Variants in HADHB observed in about 807,000 individuals in gnomAD.
The protein encoded by HADHB is trifunctional enzyme subunit beta, mitochondrial.
A neutral mutation model predicts 61.9 loss-of-function variants in HADHB; 50 were observed. The observed-to-expected ratio is 0.81, with a 90% CI of 0.64 to 1.02. HADHB has a LOEUF of 1.02. HADHB is among the 50% of genes least tolerant of loss of function. HADHB has a pLI of 0.00. For missense variants in HADHB, 504 were observed against 586.5 expected, an observed-to-expected ratio of 0.86 and a Z score of 1.45; for synonymous variants, 191 against 201.6, an observed-to-expected ratio of 0.95 and a Z score of 0.45.
At chr2:26,257,067 T>C (rs1271236027) in intron 3 of HADHB, among the ~76,000 whole-genome samples, 3 of 152,184 alleles carry the variant, frequency 2.0e-5, no homozygotes, top group African/African-American at 7.2e-5. Flanking sequence ...ATGTACCTGA[T>C]TGCCTTGTTG....
chr2:26,275,911 G>A (rs1301164748), intron 6 of HADHB, among the ~76,000 whole-genome samples: 3 of 152,188 alleles, frequency 2.0e-5, no homozygotes, highest in African/African-American at 7.2e-5. Context: ...ATAGGAGAGT[G>A]TGTTCTGAGG....
intron 4 of HADHB, among the ~76,000 whole-genome samples, chr2:26,264,529 G>T (rs1671988771): frequency 6.8e-6 from 1 of 147,100 alleles, no homozygotes; most frequent in African/African-American, 2.5e-5. Flanking sequence ...ACTCCAGCCT[G>T]GGTGACAGAG....
At chr2:26,281,624 G>T (rs1417807629) in intron 10 of HADHB, among the ~76,000 whole-genome samples, 1 of 152,182 alleles carries the variant, frequency 6.6e-6, no homozygotes, top group Non-Finnish European at 1.5e-5. Flanking sequence ...ATCATCAGAG[G>T]TGACACATCA....
In HADHB at chr2:26,249,380, G is replaced by T. The variant is rs894872028; in HGVS notation, c.-9+4390G>T. 1.7e-4 allele frequency among the ~76,000 whole-genome samples: 26 copies of T among 151,166 alleles called. 1 individual carries two copies. The highest frequency in any genetic ancestry group is 1.4e-3 in the Admixed American group (22 of 15,204). ...AAAAAAATTAGCCTGGTATGGTGGT[G>T]TGCGCCTGTAGTCCCAGTTACTCGG... On this transcript the variant is annotated intron_variant, in intron 1 of 15. Coordinates refer to ENST00000317799, the MANE Select transcript of HADHB (RefSeq NM_000183.3).
intron 3 of HADHB, among the ~76,000 whole-genome samples, 157 bp from the exon 4 acceptor site, chr2:26,263,223 C>T (rs1298877246): frequency 3.3e-5 from 5 of 151,232 alleles, no homozygotes; most frequent in Non-Finnish European, 7.4e-5. Context: ...TGCTTGAATC[C>T]GGGAGGCAGA....
intron 4 of HADHB, among the ~76,000 whole-genome samples, chr2:26,267,980 T>C (rs1672167769): frequency 6.6e-6 from 1 of 151,594 alleles, no homozygotes; most frequent in Non-Finnish European, 1.5e-5. Flanking sequence ...CTGCAAAAAC[T>C]AAAAATGAAA....
rs1464241444 is a variant in HADHB at position 26,273,824 on chromosome 2, C to G, written c.354+74C>G. On this transcript the variant is annotated intron_variant, in intron 6 of 15. Transcript: ENST00000317799. ...TTTGAATTTCAATTAATAGAAGTTACTTTACAAAAGCCTTTAAAATCTATT... is the reference window on the plus strand; with the variant it reads ...TTTGAATTTCAATTAATAGAAGTTAGTTTACAAAAGCCTTTAAAATCTATT... 17 of 822,406 alleles carry G rather than the reference C, an allele frequency of 2.1e-5. No homozygotes were observed. The South Asian group carries it at 2.4e-4, about 12-fold the overall frequency. 50.9% of individuals were successfully genotyped at this position (822,406 alleles called of 1,614,324 possible). A position where few individuals can be genotyped will look rare whatever the true frequency, so the allele number is the denominator to read the frequency against.
intron 1 of HADHB, among the ~76,000 whole-genome samples, chr2:26,245,621 A>G (rs1671118053): frequency 6.6e-6 from 1 of 152,058 alleles, no homozygotes. Context: ...AGAGAGAGTG[A>G]TTTTACCCAT....
chr2:26,279,317 T>G lies in HADHB; in HGVS notation c.811+2T>G, dbSNP rs1672691264. ...ATGTGGTACCCTTCAAAGTACCAGG[T>G]GAAATGAAATGCTTCATGACACTTA... On this transcript the variant is annotated splice_donor_variant, in intron 9 of 15. Coordinates refer to ENST00000317799, the MANE Select transcript of HADHB (RefSeq NM_000183.3). LOFTEE classifies it high-confidence loss of function. 2 of 1,593,634 alleles carry G rather than the reference T, an allele frequency of 1.3e-6. No individual in the cohort carries two copies. The highest frequency in any genetic ancestry group is 1.1e-5 in the South Asian group (1 of 90,640).
In HADHB at chr2:26,274,406, T is replaced by G. The variant is rs140165376; in HGVS notation, c.354+656T>G. On this transcript the variant is annotated intron_variant, in intron 6 of 15. Transcript: ENST00000317799. ...AGTTGGCACCAAAAGCACATTTCATTGTACTCAGTATTTTCCCTAGTTCTG... is the reference window on the plus strand; with the variant it reads ...AGTTGGCACCAAAAGCACATTTCATGGTACTCAGTATTTTCCCTAGTTCTG... Among the ~76,000 whole-genome samples the G allele has an allele frequency of 8.6e-3, 1,307 of 152,346 alleles. 11 individuals carry two copies. Among genetic ancestry groups the G allele is most frequent in the Non-Finnish European group, 0.014 (978 of 68,036 alleles).
chr2:26,263,523 C>G, intron 4 of HADHB, 44 bp downstream of exon 4: 1 of 1,214,240 alleles, frequency 8.2e-7, no homozygotes, highest in South Asian at 1.2e-5. Flanking sequence ...TCTTTTAAGA[C>G]ACTTTCAAAA....
chr2:26,280,278 C>G (rs59892305), intron 10 of HADHB, among the ~76,000 whole-genome samples, 163 bp downstream of exon 10: 1 of 151,964 alleles, frequency 6.6e-6, no homozygotes, highest in Admixed American at 6.6e-5. Flanking sequence ...AATAGAATCA[C>G]GGTTTTAAGG....
rs753492483 is a variant in HADHB at position 26,278,678 on chromosome 2, C to T, written c.507C>T (p.Ser169=). The T allele has an allele frequency of 4.7e-5, 76 of 1,613,886 alleles. No individual in the cohort carries two copies. Among genetic ancestry groups the T allele is most frequent in the Middle Eastern group, 1.6e-4 (1 of 6,084 alleles). ...VIVAGGVELM[S]DVPIRHSRKM... ...TGGCAGGTGGTGTTGAGTTGATGTCCGATGTCCCTATTCGTCACTCAAGGA... is the reference window on the plus strand; with the variant it reads ...TGGCAGGTGGTGTTGAGTTGATGTCTGATGTCCCTATTCGTCACTCAAGGA... The change falls in exon 8 of 16, where the codon TCC becomes TCT. Residue 169 remains serine (S), a synonymous_variant. Transcript: ENST00000317799.
In HADHB at chr2:26,284,144, A is replaced by G. The variant is rs140869593; in HGVS notation, c.1089A>G (p.Leu363=). Residue 363 remains leucine, a synonymous_variant, in exon 13 of 16, where the codon CTA becomes CTG. Coordinates refer to ENST00000317799, the MANE Select transcript of HADHB (RefSeq NM_000183.3). ...CAACATATGCTACTCCAAAAGTTCT[A>G]GAAAAGGCAGGATTGACCATGAATG... ...LGPTYATPKV[L]EKAGLTMNDI... The G allele has an allele frequency of 1.4e-5, 22 of 1,598,620 alleles. No individual in the cohort carries two copies. The highest frequency in any genetic ancestry group is 2.2e-5 in the South Asian group (2 of 90,798).
At chr2:26,264,175 G>T (rs566877698) in intron 4 of HADHB, among the ~76,000 whole-genome samples, 4 of 152,214 alleles carry the variant, frequency 2.6e-5, no homozygotes, top group African/African-American at 9.6e-5. Context: ...GGAATGTTAG[G>T]CATCTGTTAA....
At chr2:26,260,081 G>GGTTTTTTTTTTTTTTTTTTTTTT (rs965472525) in intron 3 of HADHB, among the ~76,000 whole-genome samples, 1 of 133,568 alleles carries the variant, frequency 7.5e-6, no homozygotes, top group African/African-American at 2.7e-5. Flanking sequence ...GTTTTTTCTG[G>GGTTTTTTTTTTTTTTTTTTTTTT]TTTTTTTTTT....
intron 3 of HADHB, among the ~76,000 whole-genome samples, chr2:26,258,280 C>T (rs1671713325): frequency 6.6e-6 from 1 of 152,120 alleles, no homozygotes; most frequent in Non-Finnish European, 1.5e-5. Context: ...CCCAAGATGG[C>T]GGCAAGCCTT....
chr2:26,284,147 A>G lies in HADHB; in HGVS notation c.1092A>G (p.Glu364=). Residue 364 remains glutamate (E), a synonymous_variant, in exon 13 of 16, where the codon GAA becomes GAG. Transcript: ENST00000317799. ...GPTYATPKVL[E]KAGLTMNDID... ...CATATGCTACTCCAAAAGTTCTAGA[A>G]AAGGCAGGATTGACCATGAATGATA... 6.2e-7 allele frequency: 1 copy of G among 1,601,570 alleles called. No homozygotes were observed.
At chr2:26,254,523 A>G in intron 3 of HADHB, 49 bp downstream of exon 3, 1 of 1,230,500 alleles carries the variant, frequency 8.1e-7, no homozygotes. Flanking sequence ...GTTAGATTCC[A>G]GATTCTATAG....
Sources: allele counts gnomAD v4.1 joint callset (sites outside exome capture counted in the v4.1 genomes callset), GRCh38; gene constraint gnomAD v4.1.1; transcripts MANE v1.5; gene names NCBI Gene and HGNC (gene_info 2026-07-23, HGNC 2026-07-21).